PRKCE: variants seen among roughly 807,000 people sequenced by gnomAD.
The protein encoded by PRKCE is protein kinase C epsilon type.
In PRKCE, 16 loss-of-function variants were observed where a neutral mutation model predicts 85.4. That is an observed-to-expected ratio of 0.19 (90% CI 0.13 to 0.28). PRKCE has a LOEUF of 0.28. Ranked by LOEUF, PRKCE falls within the 10% of genes least tolerant of loss-of-function variation. The pLI, the probability that PRKCE is intolerant of heterozygous loss-of-function variation, is 1.00. For missense variants in PRKCE, 573 were observed against 975.2 expected (o/e 0.59, Z 5.49); for synonymous variants, 388 against 371.5 (o/e 1.04, Z -0.51).
intron 11 of PRKCE, among the ~76,000 whole-genome samples, chr2:46,091,995 G>T (rs1013964111): frequency 3.9e-5 from 6 of 152,218 alleles, no homozygotes; most frequent in Non-Finnish European, 7.3e-5. Flanking sequence ...CGTAAAGTCC[G>T]TTTTTCTTCA....
chr2:45,926,170 C>T (rs1223869976), intron 2 of PRKCE, among the ~76,000 whole-genome samples: 6 of 152,166 alleles, frequency 3.9e-5, no homozygotes, highest in South Asian at 2.1e-4. Flanking sequence ...CATGAATTTT[C>T]GGCCTGCTGC....
At chr2:45,963,131 C>G (rs947799622) in intron 2 of PRKCE, among the ~76,000 whole-genome samples, 1 of 151,594 alleles carries the variant, frequency 6.6e-6, no homozygotes, top group Non-Finnish European at 1.5e-5. Flanking sequence ...GGGCCTGGGT[C>G]GATAGAAGGG....
chr2:45,955,076 C>G (rs6717683), intron 2 of PRKCE, among the ~76,000 whole-genome samples: 2 of 104,092 alleles, frequency 1.9e-5, no homozygotes, highest in Non-Finnish European at 4.7e-5. Flanking sequence ...CACTCCATCA[C>G]GCACTCCATC....
At chr2:45,899,782 G>A (rs1433762179) in intron 2 of PRKCE, among the ~76,000 whole-genome samples, 1 of 152,184 alleles carries the variant, frequency 6.6e-6, no homozygotes, top group African/African-American at 2.4e-5. Context: ...GAGCATTCCT[G>A]CCTGAAGTTC....
chr2:45,854,482 T>G (rs1292511801), intron 2 of PRKCE, among the ~76,000 whole-genome samples: 4 of 152,022 alleles, frequency 2.6e-5, no homozygotes, highest in Non-Finnish European at 5.9e-5. Context: ...CATGATGAGG[T>G]ATAGTGGGAG....
chr2:45,912,689 C>A (rs545494068), intron 2 of PRKCE, among the ~76,000 whole-genome samples: 1 of 152,078 alleles, frequency 6.6e-6, no homozygotes, highest in African/African-American at 2.4e-5. Flanking sequence ...CGCATCTCAC[C>A]GAAAATCTGC....
intron 10 of PRKCE, among the ~76,000 whole-genome samples, chr2:46,060,526 G>GAGAAGGA (rs1318863387): frequency 5.3e-5 from 8 of 152,184 alleles, no homozygotes; most frequent in Non-Finnish European, 1.2e-4. Context: ...GGAAAGACCA[G>GAGAAGGA]AGAAGGAAAA....
intron 2 of PRKCE, among the ~76,000 whole-genome samples, chr2:45,949,722 A>C (rs938998556): frequency 6.6e-6 from 1 of 152,090 alleles, no homozygotes; most frequent in Admixed American, 6.6e-5. Context: ...CCAGTTTGAC[A>C]ACCATGGACC....
At chr2:45,738,887 C>T (rs756594938) in intron 1 of PRKCE, among the ~76,000 whole-genome samples, 35 of 152,224 alleles carry the variant, frequency 2.3e-4, no homozygotes, top group Non-Finnish European at 4.1e-4. Context: ...GCTGTTATTT[C>T]GTGATCTTCA....
intron 1 of PRKCE, among the ~76,000 whole-genome samples, chr2:45,746,897 C>G (rs143528158): frequency 6.6e-6 from 1 of 152,242 alleles, no homozygotes; most frequent in East Asian, 1.9e-4. Flanking sequence ...TCTCCTTATC[C>G]CAGGCCTGGA....
At chr2:45,991,613 T>C (rs77064465) in intron 6 of PRKCE, among the ~76,000 whole-genome samples, 5,922 of 152,276 alleles carry the variant, frequency 0.039, 186 homozygotes, top group African/African-American at 0.079. Flanking sequence ...TACTGGTTTG[T>C]GTGTTGTCGC....
rs1675197533 is a variant in PRKCE, at chr2:45,652,958, G to GGTT, written c.348+511_348+513dup. ...GCTTGTTTCTATTCTCTTGCATGGT[G>GGTT]GTTAGCTCATCTTCTGACATACAAG... On this transcript the variant is annotated intron_variant, in intron 1 of 14. Coordinates refer to ENST00000306156, the MANE Select transcript of PRKCE (RefSeq NM_005400.3). The surrounding 1 kb of genome is among the most constrained non-coding windows in gnomAD (Gnocchi z 7.7). 1.3e-5 allele frequency among the ~76,000 whole-genome samples: 2 copies of GGTT among 152,036 alleles called. No homozygotes were observed. The highest frequency in any genetic ancestry group is 4.8e-5 in the African/African-American group (2 of 41,378).
chr2:45,662,585 A>G (rs1042326911), intron 1 of PRKCE, among the ~76,000 whole-genome samples: 2 of 151,974 alleles, frequency 1.3e-5, no homozygotes, highest in Admixed American at 6.6e-5. Flanking sequence ...CCTGGACCCT[A>G]CATTCTGGGC....
chr2:45,982,321 C>T (rs1320737730), intron 5 of PRKCE, among the ~76,000 whole-genome samples: 1 of 152,214 alleles, frequency 6.6e-6, no homozygotes, highest in East Asian at 1.9e-4. Flanking sequence ...ACACATCATA[C>T]ACACATACAC....
chr2:46,006,420 G>A (rs866987777), intron 8 of PRKCE, among the ~76,000 whole-genome samples: 11 of 152,248 alleles, frequency 7.2e-5, no homozygotes, highest in Middle Eastern at 3.4e-3. Context: ...TCCCCAACAC[G>A]TCTCAGAGGA....
At chr2:46,034,900 G>C (rs1345289919) in intron 10 of PRKCE, among the ~76,000 whole-genome samples, 1 of 152,264 alleles carries the variant, frequency 6.6e-6, no homozygotes, top group Non-Finnish European at 1.5e-5. Flanking sequence ...TTCTGAGACT[G>C]CTAGCTTGTT....
At chr2:45,947,478 T>G (rs1165231202) in intron 2 of PRKCE, among the ~76,000 whole-genome samples, 1 of 152,252 alleles carries the variant, frequency 6.6e-6, no homozygotes, top group Non-Finnish European at 1.5e-5. Flanking sequence ...GTATAGTATG[T>G]GAATTATATC....
Position 45,867,555 on chromosome 2 carries a change from C to G in PRKCE, c.412+24492C>G, listed in dbSNP as rs199909351. Among the ~76,000 whole-genome samples the G allele has an allele frequency of 4.6e-5, 7 of 152,246 alleles. No homozygotes were observed. The East Asian group carries it at 1.4e-3, about 29-fold the overall frequency. ...TTATTTGGGGGAATTTTTCTGTTAA[C>G]TGTCATTATGAAAGTGATCACGATG... On this transcript the variant is annotated intron_variant, in intron 2 of 14. Transcript: ENST00000306156.
intron 2 of PRKCE, among the ~76,000 whole-genome samples, chr2:45,974,453 G>T (rs762679357): frequency 6.6e-6 from 1 of 152,134 alleles, no homozygotes; most frequent in Non-Finnish European, 1.5e-5. Flanking sequence ...GAAGCAAGGG[G>T]ATCCACAAGC....
Sources: allele counts gnomAD v4.1 joint callset (sites outside exome capture counted in the v4.1 genomes callset), GRCh38; gene constraint gnomAD v4.1.1; non-coding constraint Gnocchi (gnomAD v3.1); transcripts MANE v1.5; gene names NCBI Gene and HGNC (gene_info 2026-07-23, HGNC 2026-07-21).